Variants in ARHGAP31 observed in about 807,000 individuals in gnomAD.
ARHGAP31 encodes the protein Rho GTPase activating protein 31, also known as rho GTPase-activating protein 31.
A neutral mutation model predicts 113.9 loss-of-function variants in ARHGAP31; 34 were observed. That is an observed-to-expected ratio of 0.30 (90% CI 0.23 to 0.40). The LOEUF (loss-of-function observed/expected upper bound fraction) is 0.40, where lower values mean the gene tolerates loss of function less well. ARHGAP31 is among the 10% of genes least tolerant of loss of function. The pLI is 1.00. For synonymous variants in ARHGAP31, 650 were observed against 684.8 expected (o/e 0.95, Z 0.79); for missense variants, 1,548 against 1,767.1 (o/e 0.88, Z 2.22).
chr3:119,336,843 G>A (rs1235186552), intron 1 of ARHGAP31, among the ~76,000 whole-genome samples: 2 of 152,096 alleles, frequency 1.3e-5, no homozygotes, highest in Middle Eastern at 3.2e-3. Flanking sequence ...CCGGCCCTAA[G>A]AAACCATGAA....
intron 1 of ARHGAP31, among the ~76,000 whole-genome samples, chr3:119,311,118 G>T (rs910358833): frequency 1.3e-5 from 2 of 152,156 alleles, no homozygotes; most frequent in African/African-American, 4.8e-5. Flanking sequence ...TTGGCCAATC[G>T]TCTCCGTTCC....
intron 10 of ARHGAP31, among the ~76,000 whole-genome samples, chr3:119,403,166 T>C (rs762434026): frequency 3.8e-4 from 58 of 152,216 alleles, no homozygotes; most frequent in Non-Finnish European, 7.5e-4. Flanking sequence ...AAATGTTTAT[T>C]GTGATTTAGG....
chr3:119,399,388 C>T, intron 9 of ARHGAP31, 127 bp downstream of exon 9: 1 of 794,600 alleles, frequency 1.3e-6, no homozygotes, highest in Non-Finnish European at 2.2e-6. Context: ...AGTCCCAAAT[C>T]CCTCACTGAC....
At chr3:119,392,462 C>G (rs1333127517) in intron 7 of ARHGAP31, among the ~76,000 whole-genome samples, 2 of 152,160 alleles carry the variant, frequency 1.3e-5, no homozygotes. Flanking sequence ...ACAACAACAA[C>G]AACAACAAAC....
intron 6 of ARHGAP31, among the ~76,000 whole-genome samples, chr3:119,389,417 T>C (rs1378218571): frequency 6.6e-6 from 1 of 152,180 alleles, no homozygotes; most frequent in Non-Finnish European, 1.5e-5. Context: ...TATGTGAGAG[T>C]CTTTGAACAA....
chr3:119,356,977 C>T (rs1005798142), intron 1 of ARHGAP31, among the ~76,000 whole-genome samples: 2 of 152,216 alleles, frequency 1.3e-5, no homozygotes, highest in African/African-American at 4.8e-5. Flanking sequence ...TCAAATTGCC[C>T]TCCAGAGGTT....
rs758387698 is a variant in ARHGAP31 at position 119,383,119 on chromosome 3, A to T, written c.575A>T (p.Asp192Val). 1 of 1,614,176 alleles carries T rather than the reference A, an allele frequency of 6.2e-7. No individual in the cohort carries two copies. Among genetic ancestry groups the T allele is most frequent in the Non-Finnish European group, 8.5e-7 (1 of 1,180,032 alleles). Residue 192 changes from aspartate (D) to valine (V), a missense_variant, in exon 6 of 12, where the codon GAT becomes GTT. Asp to Val is a radical substitution (Grantham distance 152). Coordinates refer to ENST00000264245, the MANE Select transcript of ARHGAP31 (RefSeq NM_020754.4). ...ATTGAAGCCACTGGTTGCAATGGAG[A>T]TGCAGCCTTCCTTGCAGTCCGGGTC... The part of the protein sequence containing the change: ...KEIEATGCNG[D>V]AAFLAVRVQQ...
Position 119,402,208 on chromosome 3 carries a change from A to G in ARHGAP31, c.1456A>G (p.Ile486Val). Residue 486 changes from isoleucine (I) to valine (V), a missense_variant, in exon 10 of 12, where the codon ATC (isoleucine) becomes GTC (valine). Physicochemically the swap from Ile to Val is conservative, Grantham distance 29 (BLOSUM62 3). Coordinates refer to ENST00000264245, the MANE Select transcript of ARHGAP31 (RefSeq NM_020754.4). ...SPRNQRKALN[I>V]SEPFAVSVPL... ...GCGTAACCAGCGCAAGGCGCTGAAC[A>G]TCTCCGAGCCCTTTGCGGTATCTGT... 1 of 1,614,284 alleles carries G rather than the reference A, an allele frequency of 6.2e-7. No individual in the cohort carries two copies.
At chr3:119,364,252 G>A (rs1408318523) in intron 1 of ARHGAP31, among the ~76,000 whole-genome samples, 2 of 150,476 alleles carry the variant, frequency 1.3e-5, no homozygotes, top group African/African-American at 2.4e-5. Context: ...TGGGGGGGCC[G>A]TTCTTACCTT....
intron 9 of ARHGAP31, among the ~76,000 whole-genome samples, chr3:119,399,719 G>A (rs996233138): frequency 3.9e-5 from 6 of 152,200 alleles, no homozygotes; most frequent in African/African-American, 1.4e-4. Flanking sequence ...ATGATTTTCA[G>A]TTGGTAGGTT....
chr3:119,319,227 T>C (rs2079760957), intron 1 of ARHGAP31, among the ~76,000 whole-genome samples: 2 of 149,812 alleles, frequency 1.3e-5, no homozygotes, highest in Admixed American at 1.3e-4. Flanking sequence ...TCATCATATA[T>C]TAAAAAAAAA....
At chr3:119,413,231 C>T (rs1351809180) in intron 11 of ARHGAP31, among the ~76,000 whole-genome samples, 3 of 147,334 alleles carry the variant, frequency 2.0e-5, no homozygotes, top group African/African-American at 7.6e-5. Context: ...GCAGAAGAAT[C>T]GTGTGAACCC....
intron 1 of ARHGAP31, among the ~76,000 whole-genome samples, chr3:119,307,892 G>GAATGAGGTAAA (rs1458794815): frequency 1.6e-5 from 2 of 124,494 alleles, no homozygotes; most frequent in Admixed American, 1.1e-4. Flanking sequence ...GAAGTTGACG[G>GAATGAGGTAAA]AATGAGGTAA....
At chr3:119,307,481 C>G (rs1432003206) in intron 1 of ARHGAP31, among the ~76,000 whole-genome samples, 2 of 152,194 alleles carry the variant, frequency 1.3e-5, no homozygotes, top group East Asian at 3.9e-4. Flanking sequence ...CCCATCTATC[C>G]CTAGGGGTTT....
At chr3:119,389,337 A>C (rs762574524) in intron 6 of ARHGAP31, among the ~76,000 whole-genome samples, 6 of 152,248 alleles carry the variant, frequency 3.9e-5, no homozygotes, top group Non-Finnish European at 8.8e-5. Context: ...AGTTGCTCCC[A>C]GAGTGAGTTA....
chr3:119,323,788 T>C (rs1198565632), intron 1 of ARHGAP31, among the ~76,000 whole-genome samples: 4 of 152,150 alleles, frequency 2.6e-5, no homozygotes, highest in African/African-American at 9.7e-5. Context: ...TAATAGAAAA[T>C]GTTTCTATAA....
At chr3:119,311,530 T>A (rs2079683489) in intron 1 of ARHGAP31, among the ~76,000 whole-genome samples, 1 of 152,206 alleles carries the variant, frequency 6.6e-6, no homozygotes, top group African/African-American at 2.4e-5. Flanking sequence ...TATTCACAGA[T>A]TCTAGGAATA....
rs1224241558 is a variant in ARHGAP31 at position 119,332,633 on chromosome 3, TCTCACACA to T, written c.101-32681_101-32674del. Among the ~76,000 whole-genome samples, 177 of 61,540 alleles carry T rather than the reference TCTCACACA, an allele frequency of 2.9e-3. 1 individual carries two copies. The highest frequency in any genetic ancestry group is 0.016 in the South Asian group (33 of 2,118). 40.4% of individuals were successfully genotyped at this position (61,540 alleles called of 152,430 possible). ...CTCTCTCTCTCTCTCTCTCTCTCTC[TCTCACACA>T]CACACACACACACACACACACACAC... On this transcript the variant is annotated intron_variant, in intron 1 of 11. Transcript: ENST00000264245.
At chr3:119,349,631 C>T (rs190130919) in intron 1 of ARHGAP31, among the ~76,000 whole-genome samples, 7 of 152,330 alleles carry the variant, frequency 4.6e-5, no homozygotes, top group Admixed American at 3.9e-4. Flanking sequence ...ATTGGAGCAG[C>T]TGGCAGGCAG....
Sources: gnomAD v4.1 joint callset for allele counts (sites outside exome capture counted in the v4.1 genomes callset) on GRCh38, gnomAD v4.1.1 for gene constraint, MANE v1.5 for transcripts, NCBI Gene and HGNC (gene_info 2026-07-23, HGNC 2026-07-21) for gene names.